The following PRMT8 variants were observed in gnomAD, a reference collection of about 807,000 sequenced individuals.
PRMT8 encodes protein arginine N-methyltransferase 8.
In PRMT8, 7 loss-of-function variants were observed where a neutral mutation model predicts 47.1. The observed-to-expected ratio is 0.15, with a 90% CI of 0.08 to 0.28. PRMT8 has a LOEUF of 0.28. PRMT8 is among the 10% of genes least tolerant of loss of function. The probability of loss-of-function intolerance (pLI) is 1.00; values close to 1 mark genes in which losing one functional copy is unlikely to be tolerated. For synonymous variants in PRMT8, 188 were observed against 186.5 expected (o/e 1.01, Z -0.07); for missense variants, 237 against 505.4 (o/e 0.47, Z 5.09).
intron 1 of PRMT8, among the ~76,000 whole-genome samples, chr12:3,479,582 T>A (rs1391033031): frequency 2.6e-5 from 4 of 151,996 alleles, no homozygotes; most frequent in Admixed American, 2.6e-4. Context: ...GAAAAAAAAA[T>A]ACTCCCCTAA....
intron 4 of PRMT8, among the ~76,000 whole-genome samples, chr12:3,560,360 G>C (rs554950543): frequency 6.6e-6 from 1 of 152,302 alleles, no homozygotes; most frequent in Admixed American, 6.5e-5. Flanking sequence ...TACAGCTCCC[G>C]TGATGGAGTT....
chr12:3,402,364 A>G (rs897171261), intron 1 of PRMT8, among the ~76,000 whole-genome samples: 2 of 152,360 alleles, frequency 1.3e-5, no homozygotes, highest in Middle Eastern at 3.4e-3. Flanking sequence ...ACCCAAAACT[A>G]TGAAAGCCAT....
upstream of PRMT8, among the ~76,000 whole-genome samples, chr12:3,490,675 A>AGAGAGAGAGAGAGAGAGAGAGAGAGAG (rs1865374699): frequency 8.3e-5 from 10 of 121,084 alleles, no homozygotes; most frequent in Non-Finnish European, 6.9e-5. Context: ...TTTGGGTACA[A>AGAGAGAGAGAGAGAGAGAGAGAGAGAG]AGAGAGAGAG....
chr12:3,504,901 G>C (rs9804961), intron 1 of PRMT8, among the ~76,000 whole-genome samples: 20 of 41,836 alleles, frequency 4.8e-4, no homozygotes, highest in Non-Finnish European at 5.3e-4. Context: ...ATATAGTCTC[G>C]TGGTGCGCCG....
rs980212694 is a variant in PRMT8 at position 3,593,042 on chromosome 12, G to A, written c.1102-57G>A. 31 of 1,375,960 alleles carry A rather than the reference G, an allele frequency of 2.3e-5. No homozygotes were observed. The highest frequency in any genetic ancestry group is 3.2e-5 in the Non-Finnish European group (31 of 966,772). 85.2% of individuals were successfully genotyped at this position (1,375,960 alleles called of 1,614,324 possible). On this transcript the variant is annotated intron_variant, in intron 9 of 9. Coordinates refer to ENST00000382622, the MANE Select transcript of PRMT8 (RefSeq NM_019854.5). This position sits in a 1 kb window ranked among gnomAD's most constrained non-coding sequence, Gnocchi z 4.8. Reference sequence around the variant, plus strand: ...GGAGCAGGTGGTGCCAGAGAGTGGGGCTGTGGCTTCATACCCAGACGGCCG... The same window carrying A: ...GGAGCAGGTGGTGCCAGAGAGTGGGACTGTGGCTTCATACCCAGACGGCCG...
upstream of PRMT8, among the ~76,000 whole-genome samples, chr12:3,489,138 C>T (rs757377440): frequency 8.5e-5 from 13 of 152,140 alleles, no homozygotes; most frequent in Admixed American, 2.0e-4. Flanking sequence ...CTCTCCATCT[C>T]AGCCTCTCCA....
chr12:3,443,884 C>T (rs1591551510), intron 1 of PRMT8, among the ~76,000 whole-genome samples: 1 of 152,200 alleles, frequency 6.6e-6, no homozygotes, highest in African/African-American at 2.4e-5. Flanking sequence ...TTTGTTCCTG[C>T]CTTAGAGACT....
chr12:3,430,568 C>T (rs1180075341), intron 1 of PRMT8, among the ~76,000 whole-genome samples: 1 of 152,198 alleles, frequency 6.6e-6, no homozygotes, highest in African/African-American at 2.4e-5. Context: ...TAAGTAGCTA[C>T]CAAATAAACC....
intron 1 of PRMT8, among the ~76,000 whole-genome samples, chr12:3,476,551 G>C (rs1393840400): frequency 1.3e-5 from 2 of 152,100 alleles, no homozygotes; most frequent in African/African-American, 2.4e-5. Context: ...GCAAGCATGT[G>C]TTCCCTCTCC....
chr12:3,537,398 A>G (rs1319288647), intron 1 of PRMT8, among the ~76,000 whole-genome samples: 2 of 152,174 alleles, frequency 1.3e-5, no homozygotes, highest in African/African-American at 4.8e-5. Context: ...ATTGGCTTGT[A>G]AGAGCTCTCT....
intron 1 of PRMT8, among the ~76,000 whole-genome samples, chr12:3,473,660 T>C (rs1307256968): frequency 6.6e-6 from 1 of 152,120 alleles, no homozygotes; most frequent in Non-Finnish European, 1.5e-5. Context: ...CACCTGGGCA[T>C]CTCCTCTTGG....
At chr12:3,469,475 C>T (rs1163171607) in intron 1 of PRMT8, among the ~76,000 whole-genome samples, 1 of 152,150 alleles carries the variant, frequency 6.6e-6, no homozygotes, top group Non-Finnish European at 1.5e-5. Flanking sequence ...GTACAAGGGA[C>T]CACATGGCCC....
chr12:3,555,617 A>G (rs58705686), intron 4 of PRMT8, among the ~76,000 whole-genome samples: 2,535 of 152,244 alleles, frequency 0.017, 64 homozygotes, highest in African/African-American at 0.057. Context: ...TGGCTTCTCT[A>G]TGGAGGATGG....
At chr12:3,408,193 T>C (rs1023142507) in intron 1 of PRMT8, among the ~76,000 whole-genome samples, 32 of 150,550 alleles carry the variant, frequency 2.1e-4, no homozygotes, top group African/African-American at 7.8e-4. Context: ...CCTTCCTCCC[T>C]TCCTCCCTCC....
chr12:3,567,354 G>A (rs564950596), intron 4 of PRMT8, among the ~76,000 whole-genome samples: 1 of 152,268 alleles, frequency 6.6e-6, no homozygotes, highest in Non-Finnish European at 1.5e-5. Flanking sequence ...TTAAACCTAG[G>A]TTTCCCTGAC....
intron 1 of PRMT8, among the ~76,000 whole-genome samples, chr12:3,403,426 ATGT>A (rs917328389): frequency 3.7e-4 from 57 of 152,092 alleles, no homozygotes; most frequent in African/African-American, 1.4e-3. Context: ...ACGTTTAACA[ATGT>A]AACAAACCTG....
Position 3,491,441 on chromosome 12 carries a change from A to C in PRMT8, c.-185A>C. ...ATCCGGAGCAGATGAGAAGGGAGGA[A>C]AATAAAAGAAAGTGGAGACTGCAGA... On this transcript the variant is annotated 5_prime_UTR_variant, in exon 1 of 10. Coordinates refer to ENST00000382622, the MANE Select transcript of PRMT8 (RefSeq NM_019854.5). 2.2e-6 allele frequency: 3 copies of C among 1,378,822 alleles called. No individual in the cohort carries two copies. The highest frequency in any genetic ancestry group is 2.8e-6 in the Non-Finnish European group (3 of 1,066,340). 85.4% of individuals were successfully genotyped at this position (1,378,822 alleles called of 1,614,324 possible).
chr12:3,552,638 C>A lies in PRMT8; in HGVS notation c.418-1013C>A. On this transcript the variant is annotated intron_variant, in intron 3 of 9. Coordinates refer to ENST00000382622, the MANE Select transcript of PRMT8 (RefSeq NM_019854.5). The surrounding 1 kb of genome is among the most constrained non-coding windows in gnomAD (Gnocchi z 4.5). ...AAAGGGCTGGTTCTCCTGGGACCTGCACCCTGGCTGGAGTCGGCCTCCTTG... is the reference window on the plus strand; with the variant it reads ...AAAGGGCTGGTTCTCCTGGGACCTGAACCCTGGCTGGAGTCGGCCTCCTTG... 1 of 436,342 alleles carries A rather than the reference C, an allele frequency of 2.3e-6. No individual in the cohort carries two copies. The highest frequency in any genetic ancestry group is 2.4e-5 in the Admixed American group (1 of 41,264). The allele number at this position is 436,342 out of a possible 1,614,324, so 27.0% of individuals were successfully genotyped here.
intron 1 of PRMT8, among the ~76,000 whole-genome samples, chr12:3,484,399 A>C (rs1475110041): frequency 6.6e-6 from 1 of 152,252 alleles, no homozygotes; most frequent in African/African-American, 2.4e-5. Context: ...GCTAAATGAC[A>C]GAGCTGGGAC....
Sources: allele counts gnomAD v4.1 joint callset (sites outside exome capture counted in the v4.1 genomes callset), GRCh38; gene constraint gnomAD v4.1.1; non-coding constraint Gnocchi (gnomAD v3.1); transcripts MANE v1.5; gene names NCBI Gene and HGNC (gene_info 2026-07-23, HGNC 2026-07-21).